The following GPC5 variants were observed in gnomAD, a reference collection of about 807,000 sequenced individuals.
The protein encoded by GPC5 is glypican 5, also known as glypican-5.
In GPC5, 47 loss-of-function variants were observed where a neutral mutation model predicts 53.9. The observed-to-expected ratio is 0.87, with a 90% confidence interval of 0.69 to 1.11. The LOEUF (loss-of-function observed/expected upper bound fraction) is 1.11, where lower values mean the gene tolerates loss of function less well. Ranked by LOEUF, GPC5 falls within the 50% of genes most tolerant of loss-of-function variation. The pLI is 0.00. For missense variants in GPC5, 748 were observed against 713.1 expected, an observed-to-expected ratio of 1.05 and a Z score of -0.56; for synonymous variants, 286 against 263.3, an observed-to-expected ratio of 1.09 and a Z score of -0.84.
chr13:92,550,751 A>G (rs928841912), intron 7 of GPC5, among the ~76,000 whole-genome samples: 4 of 151,950 alleles, frequency 2.6e-5, no homozygotes, highest in Admixed American at 6.6e-5. Context: ...TTGGAAAGAT[A>G]TATCAGTATG....
chr13:92,184,268 A>C (rs1036687594), intron 7 of GPC5, among the ~76,000 whole-genome samples: 1 of 152,184 alleles, frequency 6.6e-6, no homozygotes, highest in East Asian at 1.9e-4. Flanking sequence ...TATAAATTTG[A>C]ATATCAAACT....
At chr13:91,585,802 C>G (rs139977453) in intron 2 of GPC5, among the ~76,000 whole-genome samples, 2 of 152,076 alleles carry the variant, frequency 1.3e-5, no homozygotes, top group African/African-American at 4.8e-5. Context: ...CTTCTGTCTA[C>G]GTCTTCTGAG....
intron 6 of GPC5, among the ~76,000 whole-genome samples, chr13:92,059,143 G>T (rs1014099203): frequency 2.6e-5 from 4 of 151,980 alleles, no homozygotes; most frequent in African/African-American, 9.7e-5. Context: ...ATCACAGAGG[G>T]GTTATTTATT....
intron 7 of GPC5, among the ~76,000 whole-genome samples, chr13:92,742,588 A>G (rs1309852531): frequency 6.6e-6 from 1 of 150,990 alleles, no homozygotes; most frequent in Non-Finnish European, 1.5e-5. Flanking sequence ...TAGTTTAATT[A>G]GATCCCATTT....
intron 6 of GPC5, among the ~76,000 whole-genome samples, chr13:92,130,942 TAAAA>T (rs907766652): frequency 2.2e-4 from 34 of 151,772 alleles, no homozygotes; most frequent in African/African-American, 7.7e-4. Context: ...AAAAAGATAG[TAAAA>T]AAACAGAAAC....
chr13:92,114,359 A>T (rs1286011241), intron 6 of GPC5, among the ~76,000 whole-genome samples: 1 of 152,042 alleles, frequency 6.6e-6, no homozygotes, highest in African/African-American at 2.4e-5. Context: ...CCTTCACAGG[A>T]CCTTCTTTTT....
intron 7 of GPC5, among the ~76,000 whole-genome samples, chr13:92,719,457 A>G (rs895772377): frequency 2.6e-5 from 4 of 152,148 alleles, no homozygotes; most frequent in East Asian, 1.9e-4. Flanking sequence ...GTAACATTCT[A>G]TTCCTTCAGC....
chr13:92,536,453 A>T (rs1881725196), intron 7 of GPC5, among the ~76,000 whole-genome samples: 1 of 152,162 alleles, frequency 6.6e-6, no homozygotes, highest in Admixed American at 6.6e-5. Context: ...GAATATTCAG[A>T]GATAGGCCCT....
intron 7 of GPC5, among the ~76,000 whole-genome samples, chr13:92,746,856 A>G (rs1018290862): frequency 6.6e-6 from 1 of 152,140 alleles, no homozygotes; most frequent in African/African-American, 2.4e-5. Flanking sequence ...TTTCTGACAA[A>G]TGCATCATTA....
intron 5 of GPC5, among the ~76,000 whole-genome samples, chr13:91,822,098 G>A (rs552345289): frequency 6.6e-6 from 1 of 152,298 alleles, no homozygotes; most frequent in South Asian, 2.1e-4. Context: ...AGAACATAGA[G>A]TGGGATTTCC....
chr13:91,865,530 G>A (rs1218093242), intron 5 of GPC5, among the ~76,000 whole-genome samples: 1 of 152,142 alleles, frequency 6.6e-6, no homozygotes, highest in Middle Eastern at 3.4e-3. Context: ...TCTTTAAGAA[G>A]GTCCTCTTAA....
At chr13:92,356,323 T>C (rs993717390) in intron 7 of GPC5, among the ~76,000 whole-genome samples, 1 of 152,184 alleles carries the variant, frequency 6.6e-6, no homozygotes, top group Non-Finnish European at 1.5e-5. Flanking sequence ...CAAGTGGGCA[T>C]TGTCGGCCCT....
At position 91,887,091 on chromosome 13, in the gene GPC5, T is replaced by TGG. The variant is rs373946140; in HGVS notation, c.1281-20845_1281-20844dup. 2.0e-3 allele frequency among the ~76,000 whole-genome samples: 307 copies of TGG among 152,304 alleles called. 3 individuals are homozygous for TGG. The highest frequency in any genetic ancestry group is 6.8e-3 in the African/African-American group (281 of 41,570). On this transcript the variant is annotated intron_variant, in intron 5 of 7. Coordinates refer to ENST00000377067, the MANE Select transcript of GPC5 (RefSeq NM_004466.6). ...TGCCCCCCAACAGCAAACTTCTGCC[T>TGG]GGACATCCAGGTGTTTCCATACATT...
chr13:92,095,584 G>C (rs2041415692), intron 6 of GPC5, among the ~76,000 whole-genome samples: 1 of 152,068 alleles, frequency 6.6e-6, no homozygotes. Context: ...GCCCAGGCTG[G>C]AGTGCAACGG....
intron 2 of GPC5, among the ~76,000 whole-genome samples, chr13:91,490,024 A>G (rs1389797735): frequency 1.3e-5 from 2 of 152,330 alleles, no homozygotes; most frequent in East Asian, 1.9e-4. Context: ...TTGTATACCC[A>G]CTTGTTCTGT....
intron 2 of GPC5, among the ~76,000 whole-genome samples, chr13:91,657,403 G>A (rs2034872452): frequency 6.6e-6 from 1 of 152,104 alleles, no homozygotes; most frequent in Non-Finnish European, 1.5e-5. Context: ...CTCAACTGGG[G>A]ACAATTTTGC....
At chr13:92,791,890 A>G (rs1876477274) in intron 7 of GPC5, among the ~76,000 whole-genome samples, 1 of 152,102 alleles carries the variant, frequency 6.6e-6, no homozygotes, top group African/African-American at 2.4e-5. Flanking sequence ...TTTTAAGTGC[A>G]CAATTTAGTG....
At chr13:92,633,669 A>T (rs1885327844) in intron 7 of GPC5, among the ~76,000 whole-genome samples, 1 of 152,058 alleles carries the variant, frequency 6.6e-6, no homozygotes, top group Non-Finnish European at 1.5e-5. Flanking sequence ...CAACTTCTTC[A>T]ATCCAAATTT....
chr13:92,248,955 C>T (rs2042672834), intron 7 of GPC5, among the ~76,000 whole-genome samples: 1 of 151,986 alleles, frequency 6.6e-6, no homozygotes, highest in Admixed American at 6.6e-5. Context: ...ACGTGGAGAG[C>T]AGATACAAGG....
Sources: allele counts gnomAD v4.1 joint callset (sites outside exome capture counted in the v4.1 genomes callset), GRCh38; gene constraint gnomAD v4.1.1; transcripts MANE v1.5; gene names NCBI Gene and HGNC (gene_info 2026-07-23, HGNC 2026-07-21).